PIK3R1: variants seen among roughly 807,000 people sequenced by gnomAD.
PIK3R1 encodes phosphoinositide-3-kinase regulatory subunit 1, also known as phosphatidylinositol 3-kinase regulatory subunit alpha.
Under a neutral mutation model 98.0 loss-of-function variants are expected in PIK3R1, and 29 were observed. The observed-to-expected ratio is 0.30, with a 90% CI of 0.22 to 0.40. The LOEUF is 0.40. Among genes scored for constraint, PIK3R1 ranks in the 10% least tolerant of loss-of-function variants. The pLI is 1.00. For missense variants in PIK3R1, 596 were observed against 872.7 expected (o/e 0.68, Z 3.99); for synonymous variants, 282 against 311.8 (o/e 0.90, Z 1.01).
At chr5:68,251,177 T>A (rs1745292935) in intron 2 of PIK3R1, among the ~76,000 whole-genome samples, 1 of 152,160 alleles carries the variant, frequency 6.6e-6, no homozygotes, top group African/African-American at 2.4e-5. Context: ...ATACAGTGGT[T>A]ATATTAGTTA....
chr5:68,257,733 G>T (rs1745575995), intron 2 of PIK3R1, among the ~76,000 whole-genome samples: 1 of 152,050 alleles, frequency 6.6e-6, no homozygotes, highest in South Asian at 2.1e-4. Flanking sequence ...TCTCCTCATT[G>T]CCTTTTTCAG....
chr5:68,265,078 A>G lies in PIK3R1; in HGVS notation c.335-8312A>G, dbSNP rs143795695. Among the ~76,000 whole-genome samples, 40 of 152,166 alleles carry G rather than the reference A, an allele frequency of 2.6e-4. No homozygotes were observed. In the East Asian group the frequency reaches 7.0e-3, roughly 26 times the overall value. ...TCTGTGGCTGGTGGGCTCAGCCCCA[A>G]TCCTTGCTACTCAAAGTGTGATTGT... On this transcript the variant is annotated intron_variant, in intron 2 of 15. Coordinates refer to ENST00000521381, the MANE Select transcript of PIK3R1 (RefSeq NM_181523.3).
In PIK3R1 at chr5:68,279,694, C is replaced by T; in HGVS notation, c.595C>T (p.Pro199Ser). The change falls in exon 5 of 16, where the codon CCA becomes TCA. Residue 199 changes from proline (P) to serine (S), a missense_variant. By Grantham distance (74) the Pro-to-Ser change is moderately conservative (BLOSUM62 -1). This residue lies in a region of PIK3R1 where 352 missense variants were observed against 393.3 expected (regional missense o/e 0.90). Coordinates refer to ENST00000521381, the MANE Select transcript of PIK3R1 (RefSeq NM_181523.3). ...YLLDLPNPVI[P>S]AAVYSEMISL... ...CCTGGACTTACCAAATCCTGTCATT[C>T]CAGCAGCCGTTTACAGTGAAATGAT... 1.9e-6 allele frequency: 3 copies of T among 1,614,146 alleles called. No individual in the cohort carries two copies. Among genetic ancestry groups the T allele is most frequent in the South Asian group, 2.2e-5 (2 of 91,086 alleles).
chr5:68,281,485 G>A (rs981783469), intron 7 of PIK3R1, among the ~76,000 whole-genome samples: 7 of 152,188 alleles, frequency 4.6e-5, no homozygotes, highest in Non-Finnish European at 8.8e-5. Flanking sequence ...CCTGCAGCAA[G>A]TTCGAGCAAG....
intron 1 of PIK3R1, among the ~76,000 whole-genome samples, chr5:68,225,462 A>G (rs1399210917): frequency 6.6e-6 from 1 of 152,130 alleles, no homozygotes; most frequent in East Asian, 1.9e-4. Flanking sequence ...CCAAACTCTC[A>G]TTAATGCAGG....
At position 68,297,619 on chromosome 5, in the gene PIK3R1, C is replaced by T. The variant is rs1488616073; in HGVS notation, c.*18C>T. 1 of 1,609,112 alleles carries T rather than the reference C, an allele frequency of 6.2e-7. No homozygotes were observed. Among genetic ancestry groups the T allele is most frequent in the Non-Finnish European group, 8.5e-7 (1 of 1,176,924 alleles). On this transcript the variant is annotated 3_prime_UTR_variant, in exon 16 of 16. Coordinates refer to ENST00000521381, the MANE Select transcript of PIK3R1 (RefSeq NM_181523.3). ...GGCGATGAAGCGCTTACTCTTTGAT[C>T]CTTCTCCTGAAGTTCAGCCACCCTG... is the stretch of plus-strand genomic sequence containing the variant.
chr5:68,287,510 G>A (rs1747128534), intron 7 of PIK3R1, among the ~76,000 whole-genome samples: 1 of 152,156 alleles, frequency 6.6e-6, no homozygotes, highest in Non-Finnish European at 1.5e-5. Context: ...TTACTTTCTG[G>A]TGTAAAGTTT....
chr5:68,235,421 T>C (rs1744629439), intron 2 of PIK3R1, among the ~76,000 whole-genome samples: 1 of 151,034 alleles, frequency 6.6e-6, no homozygotes, highest in Non-Finnish European at 1.5e-5. Context: ...AATAAATAAA[T>C]AAATAAATAA....
At chr5:68,271,481 A>G (rs1258486604) in intron 2 of PIK3R1, among the ~76,000 whole-genome samples, 3 of 152,218 alleles carry the variant, frequency 2.0e-5, no homozygotes, top group African/African-American at 4.8e-5. Flanking sequence ...GGAATCTTTC[A>G]TCTGCCATTG....
chr5:68,227,212 T>C (rs1018537901), intron 2 of PIK3R1, among the ~76,000 whole-genome samples: 2 of 152,198 alleles, frequency 1.3e-5, no homozygotes, highest in African/African-American at 2.4e-5. Flanking sequence ...GTTATAAAAA[T>C]AGGGACACAG....
chr5:68,295,530 C>A, intron 14 of PIK3R1, 42 bp downstream of exon 14: 2 of 1,537,986 alleles, frequency 1.3e-6, no homozygotes, highest in South Asian at 1.1e-5. Context: ...AGATTTTTCT[C>A]ATTTTAGGAA....
intron 2 of PIK3R1, among the ~76,000 whole-genome samples, chr5:68,242,689 C>G (rs558284232): frequency 6.6e-6 from 1 of 152,168 alleles, no homozygotes; most frequent in Admixed American, 6.5e-5. Flanking sequence ...CTGAGTTGAA[C>G]GGGATAGCCC....
At chr5:68,280,090 A>G (rs1746762068) in intron 5 of PIK3R1, 2 of 319,734 alleles carry the variant, frequency 6.3e-6, no homozygotes, top group Non-Finnish European at 1.1e-5. Flanking sequence ...ATCTTTCCTG[A>G]GTGGCCATAA....
chr5:68,288,462 TGA>T lies in PIK3R1; in HGVS notation c.917-3795_917-3794del, dbSNP rs1176441130. 26 of 1,289,606 alleles carry T rather than the reference TGA, an allele frequency of 2.0e-5. No individual in the cohort carries two copies. In the African/African-American group the frequency reaches 3.7e-4, roughly 19 times the overall value. The allele number at this position is 1,289,606 out of a possible 1,614,324, so 79.9% of individuals were successfully genotyped here. A position where few individuals can be genotyped will look rare whatever the true frequency, so the allele number is the denominator to read the frequency against. On this transcript the variant is annotated intron_variant, in intron 7 of 15. Transcript: ENST00000521381. ...TGGCTTCTCAATGAGGAGCCGGCAG[TGA>T]GCGGCGGTGGCCCGGACGCACTGCC...
rs1204567574 is a variant in PIK3R1, at chr5:68,300,973, T to A, written c.*3372T>A. The A allele has an allele frequency of 8.6e-6, 2 of 233,360 alleles. No individual in the cohort carries two copies. Among genetic ancestry groups the A allele is most frequent in the Non-Finnish European group, 8.5e-6 (1 of 117,866 alleles). 14.5% of individuals were successfully genotyped at this position (233,360 alleles called of 1,614,324 possible). On this transcript the variant is annotated 3_prime_UTR_variant, in exon 16 of 16. Transcript: ENST00000521381. ...GTGAGCTGTCACTGTGGGGAACCAA[T>A]TGCTTTGTCATATAGCTGGTTATGA...
intron 2 of PIK3R1, among the ~76,000 whole-genome samples, chr5:68,237,781 A>G (rs1296460893): frequency 1.3e-5 from 2 of 152,170 alleles, no homozygotes; most frequent in Non-Finnish European, 2.9e-5. Flanking sequence ...TGCCTACTGT[A>G]AACTCAACAG....
At chr5:68,236,992 A>C (rs1174609227) in intron 2 of PIK3R1, among the ~76,000 whole-genome samples, 1 of 152,282 alleles carries the variant, frequency 6.6e-6, no homozygotes, top group Non-Finnish European at 1.5e-5. Context: ...CAAAAGTTTT[A>C]TAACCTTGAT....
intron 2 of PIK3R1, among the ~76,000 whole-genome samples, chr5:68,240,117 T>C (rs1744820156): frequency 6.7e-6 from 1 of 149,778 alleles, no homozygotes; most frequent in South Asian, 2.1e-4. Context: ...TATATAAATG[T>C]TTATGTATAA....
rs533005060 is a variant in PIK3R1 at position 68,274,742 on chromosome 5, C to T, written c.502+729C>T. 6.6e-5 allele frequency among the ~76,000 whole-genome samples: 10 copies of T among 152,270 alleles called. No individual in the cohort carries two copies. In the East Asian group the frequency reaches 1.7e-3, roughly 26 times the overall value. On this transcript the variant is annotated intron_variant, in intron 4 of 15. Transcript: ENST00000521381. ...TAATTTAGCCAAGAGGGCTTTAGTA[C>T]CCCAAACACCCACTCCCTCCTTTGG...
Sources: gnomAD v4.1 joint callset for allele counts (sites outside exome capture counted in the v4.1 genomes callset) on GRCh38, gnomAD v4.1.1 for gene constraint, gnomAD v4.1.1 regional missense constraint, MANE v1.5 for transcripts, NCBI Gene and HGNC (gene_info 2026-07-23, HGNC 2026-07-21) for gene names.